CLVS1: variants seen among roughly 807,000 people sequenced by gnomAD.
CLVS1 encodes the protein clavesin 1.
Under a neutral mutation model 33.1 loss-of-function variants are expected in CLVS1, and 10 were observed. The observed-to-expected ratio is 0.30, with a 90% CI of 0.19 to 0.51. The LOEUF (loss-of-function observed/expected upper bound fraction) is 0.51, where lower values mean the gene tolerates loss of function less well. Among genes scored for constraint, CLVS1 ranks in the 20% least tolerant of loss-of-function variants. CLVS1 has a pLI of 0.97. For synonymous variants in CLVS1, 163 were observed against 166.1 expected (o/e 0.98, Z 0.14); for missense variants, 343 against 433.4 (o/e 0.79, Z 1.85).
At chr8:61,109,812 G>A (rs1805595644) in intron 1 of CLVS1, among the ~76,000 whole-genome samples, 1 of 152,094 alleles carries the variant, frequency 6.6e-6, no homozygotes, top group African/African-American at 2.4e-5. Flanking sequence ...GAGGAGGAGA[G>A]GCCTGAGATA....
intron 5 of CLVS1, among the ~76,000 whole-genome samples, chr8:61,497,871 G>C (rs1295082675): frequency 1.3e-5 from 2 of 152,138 alleles, no homozygotes; most frequent in African/African-American, 4.8e-5. Context: ...GACCATATAG[G>C]TTAACTTCCT....
At chr8:61,042,920 G>A in the CLVS1 span, among the ~76,000 whole-genome samples, 2 of 152,172 alleles carry the variant, frequency 1.3e-5, no homozygotes, top group African/African-American at 4.8e-5. Context: ...TATACTGTAG[G>A]AATTCCTCAG....
intron 2 of CLVS1, among the ~76,000 whole-genome samples, chr8:61,145,361 G>A (rs1262159194): frequency 6.6e-6 from 1 of 152,330 alleles, no homozygotes; most frequent in Non-Finnish European, 1.5e-5. Context: ...CACAACAGCC[G>A]TTAACACATA....
the CLVS1 span, among the ~76,000 whole-genome samples, chr8:61,051,708 T>A: frequency 6.6e-6 from 1 of 152,250 alleles, no homozygotes; most frequent in African/African-American, 2.4e-5. Flanking sequence ...TTGGTTCCCA[T>A]CCATTTTGAC....
At chr8:60,995,552 G>A in the CLVS1 span, among the ~76,000 whole-genome samples, 1 of 152,178 alleles carries the variant, frequency 6.6e-6, no homozygotes, top group Non-Finnish European at 1.5e-5. Flanking sequence ...GAACACTTTT[G>A]CACTGTTGGT....
intron 1 of CLVS1, among the ~76,000 whole-genome samples, chr8:61,118,061 G>T (rs1805769934): frequency 2.0e-5 from 3 of 152,066 alleles, no homozygotes; most frequent in Non-Finnish European, 2.9e-5. Context: ...CCTGTTATTG[G>T]TCTATTCAGA....
intron 3 of CLVS1, among the ~76,000 whole-genome samples, chr8:61,386,340 C>T (rs969236445): frequency 1.3e-5 from 2 of 152,208 alleles, no homozygotes; most frequent in Non-Finnish European, 2.9e-5. Context: ...ATCTTTACAA[C>T]CCTTCTCATC....
At chr8:61,408,515 A>C (rs1389619231) in intron 3 of CLVS1, among the ~76,000 whole-genome samples, 1 of 152,184 alleles carries the variant, frequency 6.6e-6, no homozygotes, top group Non-Finnish European at 1.5e-5. Context: ...AAATCAACCC[A>C]CCAGGCCAGG....
intron 2 of CLVS1, among the ~76,000 whole-genome samples, chr8:61,228,185 T>A (rs962680724): frequency 1.5e-4 from 23 of 152,330 alleles, no homozygotes; most frequent in East Asian, 1.3e-3. Context: ...ATTTAAAAAA[T>A]TTTTAATTGA....
chr8:61,450,285 TG>T (rs1439399913), intron 3 of CLVS1, among the ~76,000 whole-genome samples: 1 of 152,198 alleles, frequency 6.6e-6, no homozygotes, highest in East Asian at 1.9e-4. Flanking sequence ...AATGGAACTT[TG>T]AATCAAATAA....
At chr8:61,122,834 G>C (rs1460212522) in intron 1 of CLVS1, among the ~76,000 whole-genome samples, 3 of 103,460 alleles carry the variant, frequency 2.9e-5, no homozygotes, top group African/African-American at 9.8e-5. Context: ...TGCTGAAAAA[G>C]GACACTCAAC....
rs1346946929 is a variant in CLVS1 at position 61,500,464 on chromosome 8, G to C, written c.*922G>C. The C allele has an allele frequency of 1.3e-5, 2 of 152,206 alleles. No individual in the cohort carries two copies. Among genetic ancestry groups the C allele is most frequent in the Non-Finnish European group, 2.9e-5 (2 of 68,034 alleles). The allele number at this position is 152,206 out of a possible 1,614,324, so 9.4% of individuals were successfully genotyped here. The stretch of plus-strand genomic sequence containing the variant: ...GATGTGGAGAAAGACCATGGTTGTT[G>C]CTGAGAGGGTAAATATTCAATCATG... On this transcript the variant is annotated 3_prime_UTR_variant, in exon 6 of 6. Coordinates refer to ENST00000325897, the MANE Select transcript of CLVS1 (RefSeq NM_173519.3).
At chr8:61,245,349 A>ATTT (rs376342998) in intron 2 of CLVS1, among the ~76,000 whole-genome samples, 1 of 149,110 alleles carries the variant, frequency 6.7e-6, no homozygotes, top group African/African-American at 2.5e-5. Context: ...TGCCTGGGTA[A>ATTT]TTTTTTTTTT....
chr8:61,245,032 G>A (rs1258738018), intron 2 of CLVS1, among the ~76,000 whole-genome samples: 1 of 151,952 alleles, frequency 6.6e-6, no homozygotes, highest in Non-Finnish European at 1.5e-5. Context: ...GGTATATCCA[G>A]CCTTTTCTCA....
chr8:61,150,632 G>A (rs1194121662), intron 2 of CLVS1, among the ~76,000 whole-genome samples: 1 of 152,158 alleles, frequency 6.6e-6, no homozygotes, highest in Admixed American at 6.5e-5. Context: ...ACTGCTTCAG[G>A]GGTGAGACAG....
At chr8:61,241,280 T>C (rs973829902) in intron 2 of CLVS1, among the ~76,000 whole-genome samples, 3 of 152,210 alleles carry the variant, frequency 2.0e-5, no homozygotes, top group Admixed American at 6.5e-5. Context: ...CCAATGCTTT[T>C]TCTGCATCAA....
At chr8:61,166,618 A>G (rs1389524484) in intron 2 of CLVS1, among the ~76,000 whole-genome samples, 1 of 152,150 alleles carries the variant, frequency 6.6e-6, no homozygotes, top group Non-Finnish European at 1.5e-5. Context: ...ATGCTAAAAA[A>G]AATTTTTTTG....
intron 2 of CLVS1, among the ~76,000 whole-genome samples, chr8:61,150,774 C>T (rs2129294817): frequency 1.3e-5 from 2 of 152,300 alleles, no homozygotes; most frequent in Middle Eastern, 6.8e-3. Flanking sequence ...CTCGAACTGG[C>T]CCAGTGTGAG....
intron 2 of CLVS1, among the ~76,000 whole-genome samples, chr8:61,192,276 G>A (rs76258128): frequency 0.17 from 25,160 of 152,060 alleles, 3,234 homozygotes; most frequent in African/African-American, 0.36. Context: ...AGAAATGGGA[G>A]AGGATTCCCT....
Sources: gnomAD v4.1 joint callset for allele counts (sites outside exome capture counted in the v4.1 genomes callset) on GRCh38, gnomAD v4.1.1 for gene constraint, MANE v1.5 for transcripts, NCBI Gene and HGNC (gene_info 2026-07-23, HGNC 2026-07-21) for gene names.